Variants in LARS2 observed in about 807,000 individuals in gnomAD.
The protein encoded by LARS2 is leucyl-tRNA synthetase 2, mitochondrial.
In LARS2, 81 loss-of-function variants were observed where a neutral mutation model predicts 116.6. The ratio of observed to expected loss-of-function variants is 0.69; its 90% confidence interval spans 0.58 to 0.84. LARS2 has a LOEUF of 0.84. Among genes scored for constraint, LARS2 ranks in the 40% least tolerant of loss-of-function variants. The pLI is 0.00. For synonymous variants in LARS2, 396 were observed against 407.2 expected (o/e 0.97, Z 0.33); for missense variants, 968 against 1,114.5 (o/e 0.87, Z 1.87).
At chr3:45,535,250 G>A (rs138024463) in intron 20 of LARS2, among the ~76,000 whole-genome samples, 347 of 152,142 alleles carry the variant, frequency 2.3e-3, no homozygotes, top group African/African-American at 8.0e-3. Context: ...ACTCAGGATG[G>A]GCTGGGGCAG....
rs756490642 is a variant in LARS2, at chr3:45,503,167, T to G, written c.1760+2588T>G. Reference sequence around the variant, plus strand: ...TCCAAGATCACTTTAAACTGAATTTTCTGCTTGAGGTTTTTAGGACCATAT... The same window carrying G: ...TCCAAGATCACTTTAAACTGAATTTGCTGCTTGAGGTTTTTAGGACCATAT... On this transcript the variant is annotated intron_variant, in intron 15 of 21. Transcript: ENST00000645846. 2.8e-4 allele frequency among the ~76,000 whole-genome samples: 42 copies of G among 152,070 alleles called. 1 individual carries two copies. The highest frequency in any genetic ancestry group is 5.6e-4 in the Non-Finnish European group (38 of 67,998).
chr3:45,517,928 A>G lies in LARS2; in HGVS notation c.2070A>G (p.Arg690=). 6.2e-7 allele frequency: 1 copy of G among 1,613,586 alleles called. No homozygotes were observed. The highest frequency in any genetic ancestry group is 1.7e-5 in the Admixed American group (1 of 59,914). The change falls in exon 18 of 22, where the codon AGA becomes AGG. Residue 690 remains arginine, a synonymous_variant. Transcript: ENST00000645846. ...CTGATGCTCTCCCTGGGGTGCTGAG[A>G]TGGCAACAACGACTGTGGACCTTGA... ...VKTDALPGVL[R]WQQRLWTLTT...
chr3:45,536,622 A>C (rs985193629), intron 20 of LARS2, among the ~76,000 whole-genome samples: 1 of 152,194 alleles, frequency 6.6e-6, no homozygotes, highest in African/African-American at 2.4e-5. Context: ...TCGGGAGAAA[A>C]GTGCCTACAA....
intron 4 of LARS2, among the ~76,000 whole-genome samples, chr3:45,414,792 G>A (rs1386936699): frequency 6.6e-6 from 1 of 151,990 alleles, no homozygotes; most frequent in East Asian, 1.9e-4. Flanking sequence ...GAACTTGATA[G>A]GAAATAAGAG....
chr3:45,496,248 A>G (rs1433762801), intron 13 of LARS2, 27 bp from the exon 14 acceptor site: 1 of 1,528,972 alleles, frequency 6.5e-7, no homozygotes, highest in Non-Finnish European at 9.1e-7. Flanking sequence ...AAAAGAAACC[A>G]ATTGATGAAT....
chr3:45,447,126 G>A, intron 7 of LARS2, 146 bp downstream of exon 7: 2 of 551,040 alleles, frequency 3.6e-6, no homozygotes, highest in Non-Finnish European at 6.4e-6. Context: ...CTTAAGTTTA[G>A]TGTCATCAAG....
At chr3:45,390,683 C>T (rs1320409908) in intron 1 of LARS2, among the ~76,000 whole-genome samples, 1 of 143,608 alleles carries the variant, frequency 7.0e-6, no homozygotes, top group Admixed American at 7.0e-5. Context: ...GACGGAGTCT[C>T]GCTCTGTCAC....
intron 7 of LARS2, 37 bp from the exon 8 acceptor site, chr3:45,458,706 C>T: frequency 6.2e-7 from 1 of 1,608,334 alleles, no homozygotes; most frequent in Non-Finnish European, 8.5e-7. Flanking sequence ...AAAGAGTACT[C>T]ACCAGATTGT....
chr3:45,547,287 T>G (rs1575325767), intron 21 of LARS2, 64 bp from the exon 22 acceptor site: 2 of 1,450,916 alleles, frequency 1.4e-6, no homozygotes, highest in Non-Finnish European at 1.9e-6. Context: ...GGAGGTTTGG[T>G]ATTGGGCCGC....
At chr3:45,527,009 CA>C (rs1280517627) in intron 20 of LARS2, among the ~76,000 whole-genome samples, 2 of 152,126 alleles carry the variant, frequency 1.3e-5, no homozygotes, top group Non-Finnish European at 2.9e-5. Context: ...GGTAGAGACA[CA>C]AGTGGGTCTC....
At chr3:45,520,321 G>A in intron 19 of LARS2, 25 bp downstream of exon 19, 7 of 1,578,170 alleles carry the variant, frequency 4.4e-6, no homozygotes, top group Non-Finnish European at 6.1e-6. Flanking sequence ...CTCATTTGCT[G>A]GTAGCAGAGG....
At position 45,520,315 on chromosome 3, in the gene LARS2, T is replaced by C; in HGVS notation, c.2292+19T>C. On this transcript the variant is annotated intron_variant, in intron 19 of 21. Transcript: ENST00000645846. Reference sequence around the variant, plus strand: ...CCTCTCGGTAAGTGGCCTGTCCTCATTTGCTGGTAGCAGAGGAGGGAGGGA... The same window carrying C: ...CCTCTCGGTAAGTGGCCTGTCCTCACTTGCTGGTAGCAGAGGAGGGAGGGA... The C allele has an allele frequency of 6.3e-7, 1 of 1,598,556 alleles. No homozygotes were observed. Among genetic ancestry groups the C allele is most frequent in the Non-Finnish European group, 8.6e-7 (1 of 1,166,098 alleles).
chr3:45,517,438 A>T (rs910883895), intron 17 of LARS2, among the ~76,000 whole-genome samples: 1 of 152,256 alleles, frequency 6.6e-6, no homozygotes, highest in African/African-American at 2.4e-5. Flanking sequence ...AAGGACAGGG[A>T]TTGTGCCAAT....
intron 5 of LARS2, 77 bp from the exon 6 acceptor site, chr3:45,419,592 T>G: frequency 9.7e-7 from 1 of 1,033,404 alleles, no homozygotes; most frequent in Non-Finnish European, 1.5e-6. Flanking sequence ...CAGTTTCCCT[T>G]TACATTCTCA....
intron 7 of LARS2, among the ~76,000 whole-genome samples, chr3:45,448,590 T>G (rs547719436): frequency 1.2e-4 from 18 of 151,968 alleles, no homozygotes; most frequent in African/African-American, 4.1e-4. Context: ...TTTACCCACA[T>G]ATTTATTAAC....
chr3:45,532,170 T>C (rs901805930), intron 20 of LARS2, among the ~76,000 whole-genome samples: 3 of 152,264 alleles, frequency 2.0e-5, no homozygotes, highest in Non-Finnish European at 4.4e-5. Context: ...TCAGGTCTTA[T>C]TTCCAGATAT....
At chr3:45,440,108 T>C (rs948555485) in intron 6 of LARS2, among the ~76,000 whole-genome samples, 2 of 152,186 alleles carry the variant, frequency 1.3e-5, no homozygotes, top group Admixed American at 1.3e-4. Context: ...AGCCTGTCTC[T>C]CCCTCTTCCA....
Position 45,547,702 on chromosome 3 carries a change from G to A in LARS2, c.*172G>A. The stretch of plus-strand genomic sequence containing the variant: ...CAGTGTGCCTCTGTAGTGTGGCCTG[G>A]TGCTGGGGTGAAGGTGAGCTGGGCA... On this transcript the variant is annotated 3_prime_UTR_variant, in exon 22 of 22. Coordinates refer to ENST00000645846, the MANE Select transcript of LARS2 (RefSeq NM_015340.4). The A allele has an allele frequency of 1.0e-5, 6 of 587,108 alleles. No individual in the cohort carries two copies. The highest frequency in any genetic ancestry group is 8.7e-6 in the Non-Finnish European group (3 of 344,936). 36.4% of individuals were successfully genotyped at this position (587,108 alleles called of 1,614,324 possible). A position where few individuals can be genotyped will look rare whatever the true frequency, so the allele number is the denominator to read the frequency against.
intron 6 of LARS2, among the ~76,000 whole-genome samples, chr3:45,445,277 G>T (rs1404572852): frequency 6.6e-6 from 1 of 152,176 alleles, no homozygotes; most frequent in Non-Finnish European, 1.5e-5. Context: ...ACCAAACATA[G>T]CTCCTGCCCT....
Sources: allele counts gnomAD v4.1 joint callset (sites outside exome capture counted in the v4.1 genomes callset), GRCh38; gene constraint gnomAD v4.1.1; transcripts MANE v1.5; gene names NCBI Gene and HGNC (gene_info 2026-07-23, HGNC 2026-07-21).